The following ALK variants were observed in gnomAD, a reference collection of about 807,000 sequenced individuals.
ALK encodes ALK receptor tyrosine kinase, also known as ALK tyrosine kinase receptor.
A neutral mutation model predicts 163.1 loss-of-function variants in ALK; 74 were observed. That is an observed-to-expected ratio of 0.45 (90% CI 0.38 to 0.55). The LOEUF (loss-of-function observed/expected upper bound fraction) is 0.55, where lower values mean the gene tolerates loss of function less well. Among genes scored for constraint, ALK ranks in the 20% least tolerant of loss-of-function variants. The pLI is 0.00. For synonymous variants in ALK, 960 were observed against 843.2 expected (o/e 1.14, Z -2.40); for missense variants, 2,063 against 2,105.3 (o/e 0.98, Z 0.39).
chr2:29,586,177 T>G (rs902071425), intron 3 of ALK, among the ~76,000 whole-genome samples: 4 of 152,168 alleles, frequency 2.6e-5, no homozygotes, highest in African/African-American at 9.7e-5. Flanking sequence ...TAATCTTTTT[T>G]AAGTATTCTT....
At chr2:29,658,066 G>GA (rs1218203474) in intron 3 of ALK, among the ~76,000 whole-genome samples, 4 of 152,096 alleles carry the variant, frequency 2.6e-5, no homozygotes, top group African/African-American at 4.8e-5. Context: ...CTACAAGGCT[G>GA]AAAAAACGTG....
At chr2:29,845,334 C>T (rs971860190) in intron 1 of ALK, among the ~76,000 whole-genome samples, 2 of 152,204 alleles carry the variant, frequency 1.3e-5, no homozygotes, top group Non-Finnish European at 2.9e-5. Context: ...TTAATAGGGA[C>T]TCTGTAAATA....
At chr2:29,638,443 T>G (rs1027362426) in intron 3 of ALK, among the ~76,000 whole-genome samples, 51 of 144,084 alleles carry the variant, frequency 3.5e-4, no homozygotes, top group Non-Finnish European at 5.9e-4. Flanking sequence ...ACAAGAATGA[T>G]GACAGCCAGG....
In ALK at chr2:29,192,879, T is replaced by A; in HGVS notation, c.*345A>T. On this transcript the variant is annotated 3_prime_UTR_variant, in exon 29 of 29. Coordinates refer to ENST00000389048, the MANE Select transcript of ALK (RefSeq NM_004304.5). Reference sequence around the variant, plus strand: ...CATCTATGACCCCAACTATGAAACATAGAAGCAGCTAATTCTGACTACATT... The same window carrying A: ...CATCTATGACCCCAACTATGAAACAAAGAAGCAGCTAATTCTGACTACATT... 5 of 414,000 alleles carry A rather than the reference T, an allele frequency of 1.2e-5. No individual in the cohort carries two copies. Among genetic ancestry groups the A allele is most frequent in the Non-Finnish European group, 2.2e-5 (5 of 222,794 alleles). The allele number at this position is 414,000 out of a possible 1,614,324, so 25.6% of individuals were successfully genotyped here.
At chr2:29,812,758 G>A (rs939928895) in intron 1 of ALK, among the ~76,000 whole-genome samples, 6 of 152,222 alleles carry the variant, frequency 3.9e-5, no homozygotes, top group African/African-American at 1.4e-4. Context: ...CACCATCCAG[G>A]GCTGCATTTC....
At chr2:29,910,763 C>G (rs1412617851) in intron 1 of ALK, among the ~76,000 whole-genome samples, 1 of 152,030 alleles carries the variant, frequency 6.6e-6, no homozygotes, top group East Asian at 1.9e-4. Flanking sequence ...GAAATGAAAG[C>G]AAAATAAAGT....
chr2:29,903,187 A>G (rs915321296), intron 1 of ALK, among the ~76,000 whole-genome samples: 20 of 152,324 alleles, frequency 1.3e-4, no homozygotes, highest in South Asian at 1.2e-3. Context: ...TCCTGAACGC[A>G]TGGAAAGTCT....
intron 26 of ALK, among the ~76,000 whole-genome samples, chr2:29,201,219 G>C (rs1270048285): frequency 6.6e-6 from 1 of 151,984 alleles, no homozygotes; most frequent in Non-Finnish European, 1.5e-5. Flanking sequence ...CATACACCAA[G>C]ATCTCATACA....
chr2:29,648,221 C>T (rs547530708), intron 3 of ALK, among the ~76,000 whole-genome samples: 67 of 152,216 alleles, frequency 4.4e-4, no homozygotes, highest in South Asian at 2.1e-3. Context: ...TGAAGTATTA[C>T]GCATAAATAA....
intron 1 of ALK, among the ~76,000 whole-genome samples, chr2:29,883,711 A>G (rs1262938229): frequency 6.6e-6 from 1 of 152,238 alleles, no homozygotes; most frequent in East Asian, 1.9e-4. Flanking sequence ...TCATATGCCA[A>G]TTAAATATGG....
intron 5 of ALK, among the ~76,000 whole-genome samples, chr2:29,348,193 T>A (rs926358576): frequency 6.6e-6 from 1 of 152,142 alleles, no homozygotes; most frequent in African/African-American, 2.4e-5. Flanking sequence ...CCTACCCTAG[T>A]GAGCCCAAGT....
chr2:29,506,756 C>A (rs77572825), intron 4 of ALK, among the ~76,000 whole-genome samples: 21,483 of 145,374 alleles, frequency 0.15, 2,222 homozygotes, highest in African/African-American at 0.29. Context: ...AAAAACAAAA[C>A]AAAAAAAAAA....
At chr2:29,796,735 A>G (rs1000213996) in intron 1 of ALK, among the ~76,000 whole-genome samples, 1 of 152,284 alleles carries the variant, frequency 6.6e-6, no homozygotes, top group African/African-American at 2.4e-5. Flanking sequence ...AAAGCTCAGA[A>G]AGATGCAAAT....
intron 5 of ALK, among the ~76,000 whole-genome samples, chr2:29,338,806 C>T (rs930957456): frequency 2.6e-5 from 4 of 152,170 alleles, no homozygotes; most frequent in African/African-American, 9.7e-5. Context: ...AGAAGAATGT[C>T]GTGAGGTGGG....
chr2:29,783,902 A>AC (rs1663920060), intron 1 of ALK, among the ~76,000 whole-genome samples: 1 of 152,288 alleles, frequency 6.6e-6, no homozygotes, highest in East Asian at 1.9e-4. Flanking sequence ...ACCAAGTGGC[A>AC]GTCGTGTGTA....
chr2:29,325,143 G>A (rs569060639), intron 6 of ALK, among the ~76,000 whole-genome samples: 3 of 152,188 alleles, frequency 2.0e-5, no homozygotes, highest in Non-Finnish European at 2.9e-5. Flanking sequence ...TCCAACCATG[G>A]CAGGGTTTGG....
chr2:29,888,986 A>G (rs918624871), intron 1 of ALK, among the ~76,000 whole-genome samples: 2 of 152,184 alleles, frequency 1.3e-5, no homozygotes, highest in African/African-American at 2.4e-5. Context: ...TATAAAACCA[A>G]CAAGAGTGAG....
At chr2:29,257,279 A>G (rs1051731831) in intron 11 of ALK, among the ~76,000 whole-genome samples, 2 of 152,146 alleles carry the variant, frequency 1.3e-5, no homozygotes, top group Non-Finnish European at 2.9e-5. Flanking sequence ...ATTCTTACAC[A>G]TACCCCATAC....
At chr2:29,889,695 CAGAGAGAGAGAGAGAGAGAG>C (rs869083201) in intron 1 of ALK, among the ~76,000 whole-genome samples, 17,806 of 101,956 alleles carry the variant, frequency 0.17, 2,090 homozygotes, top group Middle Eastern at 0.21. Flanking sequence ...GATAGATAGA[CAGAGAGAGAGAGAGAGAGAG>C]AGAGAGAGAG....
Sources: allele counts gnomAD v4.1 joint callset (sites outside exome capture counted in the v4.1 genomes callset), GRCh38; gene constraint gnomAD v4.1.1; transcripts MANE v1.5; gene names NCBI Gene and HGNC (gene_info 2026-07-23, HGNC 2026-07-21).